RHNO1: variants seen among roughly 807,000 people sequenced by gnomAD.
RHNO1 encodes the protein RAD9, HUS1, RAD1-interacting nuclear orphan protein 1.
RHNO1 carries 9 observed loss-of-function variants against 7.2 expected under a neutral mutation model. The observed-to-expected ratio is 1.25, with a 90% CI of 0.75 to 2.18. RHNO1 has a LOEUF of 2.18. RHNO1 is among the 30% of genes most tolerant of loss of function. The pLI is 0.00. For synonymous variants in RHNO1, 95 were observed against 107.5 expected, an observed-to-expected ratio of 0.88 and a Z score of 0.72; for missense variants, 292 against 284.5, an observed-to-expected ratio of 1.03 and a Z score of -0.19.
At chr12:2,887,887 C>T (rs2098167434) in intron 2 of RHNO1, 24 bp from the exon 3 acceptor site, 7 of 1,480,982 alleles carry the variant, frequency 4.7e-6, no homozygotes, top group Non-Finnish European at 6.4e-6. Context: ...GTTAGGCTCA[C>T]CTCACTTTTT....
In RHNO1 at chr12:2,879,829, C is replaced by T. The variant is rs543039570; in HGVS notation, c.-85+2547C>T. Among the ~76,000 whole-genome samples the T allele has an allele frequency of 1.8e-4, 27 of 152,008 alleles. No individual in the cohort carries two copies. The South Asian group carries it at 5.2e-3, about 29-fold the overall frequency. ...ATAGAGTGAGAACAGCTCCAAAGCACAACCAGAGGGGAAGGACTTAGACAG... is the reference window on the plus strand; with the variant it reads ...ATAGAGTGAGAACAGCTCCAAAGCATAACCAGAGGGGAAGGACTTAGACAG... On this transcript the variant is annotated intron_variant, in intron 1 of 2. Transcript: ENST00000489288.
upstream of RHNO1, chr12:2,877,216 T>G (rs1206367280): frequency 1.3e-5 from 2 of 152,242 alleles, no homozygotes. Context: ...GCCGGCCTTG[T>G]CTCGGCATTC....
At chr12:2,878,210 A>T (rs2098151233) in intron 1 of RHNO1, 1 of 152,242 alleles carries the variant, frequency 6.6e-6, no homozygotes. Context: ...GTAAATTGAA[A>T]CATTAGAGGT....
rs919712914 is a variant in RHNO1, at chr12:2,888,652, C to G, written c.*193C>G. On this transcript the variant is annotated 3_prime_UTR_variant, in exon 3 of 3. Coordinates refer to ENST00000489288, the MANE Select transcript of RHNO1 (RefSeq NM_001252499.3). ...AAGCGATTCTCCTGCCTCAGCCTCCCCAGTAGCTGGGATTACAGGCACCAG... is the reference window on the plus strand; with the variant it reads ...AAGCGATTCTCCTGCCTCAGCCTCCGCAGTAGCTGGGATTACAGGCACCAG... 2.3e-6 allele frequency: 1 copy of G among 442,818 alleles called. No homozygotes were observed. The highest frequency in any genetic ancestry group is 2.0e-5 in the African/African-American group (1 of 50,634). 27.4% of individuals were successfully genotyped at this position (442,818 alleles called of 1,614,324 possible). A position where few individuals can be genotyped will look rare whatever the true frequency, so the allele number is the denominator to read the frequency against.
At chr12:2,881,750 C>G (rs1030943240) in intron 1 of RHNO1, among the ~76,000 whole-genome samples, 2 of 151,492 alleles carry the variant, frequency 1.3e-5, no homozygotes, top group Non-Finnish European at 2.9e-5. Flanking sequence ...ACTAAAAATA[C>G]AAAAATTAGC....
chr12:2,878,987 TA>T (rs2098153578), intron 1 of RHNO1, among the ~76,000 whole-genome samples: 5 of 151,490 alleles, frequency 3.3e-5, no homozygotes, highest in Admixed American at 3.3e-4. Context: ...TTTAATTATA[TA>T]TTTATTTTTA....
chr12:2,877,291 G>T lies in RHNO1; in HGVS notation c.-85+9G>T, dbSNP rs1469360177. ...CCGTCCGGCCCGGGCTGGTAAGGCG[G>T]ACCGCAGGCCGGCTTGTGGGGGAAG... On this transcript the variant is annotated intron_variant, in intron 1 of 2. Coordinates refer to ENST00000489288, the MANE Select transcript of RHNO1 (RefSeq NM_001252499.3). 6.6e-6 allele frequency: 1 copy of T among 152,324 alleles called. No individual in the cohort carries two copies. The highest frequency in any genetic ancestry group is 2.1e-4 in the South Asian group (1 of 4,834). 9.4% of individuals were successfully genotyped at this position (152,324 alleles called of 1,614,324 possible). A position where few individuals can be genotyped will look rare whatever the true frequency, so the allele number is the denominator to read the frequency against.
chr12:2,877,054 G>A (rs968314724), upstream of RHNO1: 4 of 152,140 alleles, frequency 2.6e-5, no homozygotes, highest in Admixed American at 6.5e-5. Context: ...CGGTGCGGGC[G>A]GGGTGGGAAC....
At position 2,888,426 on chromosome 12, in the gene RHNO1, G is replaced by C. The variant is rs749256665; in HGVS notation, c.684G>C (p.Lys228Asn). ...HLLAYLRERGKLSRSQFLVKS is the reference protein window; with the variant it reads ...HLLAYLRERGNLSRSQFLVKS ...TTGCTTACCTCAGGGAGAGAGGGAAGCTGAGCAGAAGCCAATTCCTTGTGA... is the reference window on the plus strand; with the variant it reads ...TTGCTTACCTCAGGGAGAGAGGGAACCTGAGCAGAAGCCAATTCCTTGTGA... Residue 228 changes from lysine to asparagine, a missense_variant, in exon 3 of 3, where the codon AAG becomes AAC. Transcript: ENST00000489288. 1.9e-6 allele frequency: 3 copies of C among 1,599,132 alleles called. No individual in the cohort carries two copies. In the South Asian group the frequency reaches 3.4e-5, roughly 18 times the overall value.
Position 2,888,036 on chromosome 12 carries a change from T to C in RHNO1, c.294T>C (p.Ser98=), listed in dbSNP as rs2098167702. 2 of 1,613,758 alleles carry C rather than the reference T, an allele frequency of 1.2e-6. No individual in the cohort carries two copies. Among genetic ancestry groups the C allele is most frequent in the Admixed American group, 3.3e-5 (2 of 59,962 alleles). Reference sequence around the variant, plus strand: ...AGTTTCCACATCTAACTTTTGAGAGTCCGCAATCTTCCAGTTCAGAGACAT... The same window carrying C: ...AGTTTCCACATCTAACTTTTGAGAGCCCGCAATCTTCCAGTTCAGAGACAT... The part of the protein sequence containing the change: ...TSKFPHLTFE[S]PQSSSSETLG... Residue 98 remains serine (S), a synonymous_variant, in exon 3 of 3, where the codon AGT becomes AGC. Coordinates refer to ENST00000489288, the MANE Select transcript of RHNO1 (RefSeq NM_001252499.3).
At chr12:2,887,776 G>T (rs2098167312) in intron 2 of RHNO1, 135 bp from the exon 3 acceptor site, 3 of 654,270 alleles carry the variant, frequency 4.6e-6, no homozygotes, top group Non-Finnish European at 7.4e-6. Context: ...CTGTTATTAT[G>T]CCATTAGACA....
In RHNO1 at chr12:2,881,431, A is replaced by G. The variant is rs371531626; in HGVS notation, c.-84-3852A>G. On this transcript the variant is annotated intron_variant, in intron 1 of 2. Transcript: ENST00000489288. The stretch of plus-strand genomic sequence containing the variant: ...CTATACTTTTTATTCCTTTCCGACT[A>G]GAATGTAAGCACCACAAGGGCAGAG... Among the ~76,000 whole-genome samples, 214 of 152,076 alleles carry G rather than the reference A, an allele frequency of 1.4e-3. 1 individual carries two copies. Among genetic ancestry groups the G allele is most frequent in the African/African-American group, 4.8e-3 (197 of 41,388 alleles).
At chr12:2,880,677 A>C (rs2098156368) in intron 1 of RHNO1, among the ~76,000 whole-genome samples, 1 of 152,126 alleles carries the variant, frequency 6.6e-6, no homozygotes. Flanking sequence ...TCTGTCACCT[A>C]GGCTAGAGTG....
chr12:2,877,315 A>G (rs1258576282), intron 1 of RHNO1, 33 bp downstream of exon 1: 1 of 148,434 alleles, frequency 6.7e-6, no homozygotes, highest in Non-Finnish European at 1.5e-5. Context: ...TTGTGGGGGA[A>G]GAAGTGGCCG....
rs1235751374 is a variant in RHNO1, at chr12:2,888,681, C to T, written c.*222C>T. 2.6e-6 allele frequency: 1 copy of T among 383,658 alleles called. No individual in the cohort carries two copies. Among genetic ancestry groups the T allele is most frequent in the Non-Finnish European group, 4.6e-6 (1 of 216,254 alleles). The allele number at this position is 383,658 out of a possible 1,614,324, so 23.8% of individuals were successfully genotyped here. On this transcript the variant is annotated 3_prime_UTR_variant, in exon 3 of 3. Coordinates refer to ENST00000489288, the MANE Select transcript of RHNO1 (RefSeq NM_001252499.3). The stretch of plus-strand genomic sequence containing the variant: ...TAGCTGGGATTACAGGCACCAGCCA[C>T]CATGCCTGGCTAATTTTTTTGTATT...
intron 1 of RHNO1, among the ~76,000 whole-genome samples, chr12:2,880,054 A>G (rs909747184): frequency 6.6e-6 from 1 of 152,060 alleles, no homozygotes; most frequent in Non-Finnish European, 1.5e-5. Flanking sequence ...GGTGATTCAC[A>G]TGTAATCCTA....
At chr12:2,876,611 C>G (rs924378172), upstream of RHNO1, 1 of 152,348 alleles carries the variant, frequency 6.6e-6, no homozygotes, top group African/African-American at 2.4e-5. Context: ...GTAGTACAAT[C>G]TCAGTCTTCA....
chr12:2,877,055 G>C (rs2098146334), upstream of RHNO1: 2 of 152,156 alleles, frequency 1.3e-5, no homozygotes, highest in Non-Finnish European at 1.5e-5. Context: ...GGTGCGGGCG[G>C]GGTGGGAACC....
At chr12:2,883,965 CATT>C (rs1387471801) in intron 1 of RHNO1, among the ~76,000 whole-genome samples, 5 of 152,014 alleles carry the variant, frequency 3.3e-5, no homozygotes, top group Non-Finnish European at 7.4e-5. Flanking sequence ...ATATATTTGA[CATT>C]ATCTGGAGTG....
Sources: gnomAD v4.1 joint callset for allele counts (sites outside exome capture counted in the v4.1 genomes callset) on GRCh38, gnomAD v4.1.1 for gene constraint, MANE v1.5 for transcripts, NCBI Gene and HGNC (gene_info 2026-07-23, HGNC 2026-07-21) for gene names.